MOB3B: variants seen among roughly 807,000 people sequenced by gnomAD.
MOB3B encodes the protein MOB kinase activator 3B.
In MOB3B, 7 loss-of-function variants were observed where a neutral mutation model predicts 18.7. The ratio of observed to expected loss-of-function variants is 0.37; its 90% CI spans 0.21 to 0.70. The LOEUF is 0.70. Among genes scored for constraint, MOB3B ranks in the 30% least tolerant of loss-of-function variants. The pLI is 0.52. For missense variants in MOB3B, 253 were observed against 281.3 expected (o/e 0.90, Z 0.72); for synonymous variants, 111 against 99.9 (o/e 1.11, Z -0.66).
intron 2 of MOB3B, among the ~76,000 whole-genome samples, chr9:27,365,871 G>A (rs1044119799): frequency 2.0e-5 from 3 of 152,200 alleles, no homozygotes; most frequent in African/African-American, 4.8e-5. Flanking sequence ...TGGAGTTAAT[G>A]AGCCTGAAAC....
chr9:27,391,502 G>T (rs1376211065), intron 2 of MOB3B, among the ~76,000 whole-genome samples: 1 of 152,204 alleles, frequency 6.6e-6, no homozygotes, highest in Non-Finnish European at 1.5e-5. Context: ...TGCTATTCAT[G>T]TGCAAAATGT....
At chr9:27,343,601 T>C (rs1274766167) in intron 3 of MOB3B, among the ~76,000 whole-genome samples, 2 of 152,040 alleles carry the variant, frequency 1.3e-5, no homozygotes, top group East Asian at 1.9e-4. Flanking sequence ...CAATATGAAT[T>C]TTACATACAG....
At chr9:27,352,590 G>C (rs1415465879) in intron 3 of MOB3B, among the ~76,000 whole-genome samples, 1 of 152,178 alleles carries the variant, frequency 6.6e-6, no homozygotes, top group Non-Finnish European at 1.5e-5. Flanking sequence ...CACTTCCTGT[G>C]TGTGTGTGAA....
intron 1 of MOB3B, among the ~76,000 whole-genome samples, chr9:27,501,201 C>T (rs1323143762): frequency 2.0e-5 from 3 of 152,154 alleles, no homozygotes; most frequent in Admixed American, 1.3e-4. Flanking sequence ...GGTGATTCCT[C>T]AAGGATCTAG....
intron 3 of MOB3B, among the ~76,000 whole-genome samples, chr9:27,343,376 C>T (rs932019686): frequency 2.0e-5 from 3 of 150,444 alleles, no homozygotes; most frequent in Non-Finnish European, 4.4e-5. Context: ...AAACCAGAGA[C>T]CCTTGTTCAC....
At chr9:27,466,684 GCA>G (rs1819388381) in intron 1 of MOB3B, among the ~76,000 whole-genome samples, 1 of 152,146 alleles carries the variant, frequency 6.6e-6, no homozygotes, top group Non-Finnish European at 1.5e-5. Flanking sequence ...TTCTTATACG[GCA>G]GCAGCAAGAG....
At chr9:27,513,425 C>A (rs1587270458) in intron 1 of MOB3B, among the ~76,000 whole-genome samples, 2 of 152,154 alleles carry the variant, frequency 1.3e-5, no homozygotes, top group African/African-American at 4.8e-5. Flanking sequence ...CACATCATAT[C>A]ATACCACTCT....
chr9:27,450,496 A>T (rs1173441601), intron 2 of MOB3B, among the ~76,000 whole-genome samples: 1 of 152,200 alleles, frequency 6.6e-6, no homozygotes, highest in Non-Finnish European at 1.5e-5. Context: ...TTCAGAGATG[A>T]TTAAGAAATA....
chr9:27,517,240 G>A (rs752386279), intron 1 of MOB3B, among the ~76,000 whole-genome samples: 9 of 152,062 alleles, frequency 5.9e-5, no homozygotes, highest in Admixed American at 1.3e-4. Flanking sequence ...TATTTGTCTT[G>A]TTTTCCCTTG....
intron 1 of MOB3B, among the ~76,000 whole-genome samples, chr9:27,521,986 T>C (rs1563889613): frequency 6.6e-6 from 1 of 152,040 alleles, no homozygotes; most frequent in Non-Finnish European, 1.5e-5. Context: ...CTCACGCCTG[T>C]AATCCCAGCA....
intron 3 of MOB3B, among the ~76,000 whole-genome samples, chr9:27,353,856 C>T (rs1166363656): frequency 1.3e-5 from 2 of 152,250 alleles, no homozygotes; most frequent in East Asian, 1.9e-4. Flanking sequence ...TCAGCTGACT[C>T]CCTGGCAGCC....
intron 3 of MOB3B, among the ~76,000 whole-genome samples, chr9:27,347,626 A>T (rs1348063168): frequency 1.3e-5 from 2 of 152,196 alleles, no homozygotes; most frequent in East Asian, 3.8e-4. Flanking sequence ...GGGAGAAGGT[A>T]TAGGGTGGAG....
At chr9:27,449,537 C>G (rs148528337) in intron 2 of MOB3B, among the ~76,000 whole-genome samples, 3 of 152,240 alleles carry the variant, frequency 2.0e-5, no homozygotes, top group African/African-American at 7.2e-5. Context: ...AGTGACAGAG[C>G]TAATTGATTA....
chr9:27,431,388 CAG>C (rs1822415723), intron 2 of MOB3B, among the ~76,000 whole-genome samples: 1 of 152,132 alleles, frequency 6.6e-6, no homozygotes, highest in Non-Finnish European at 1.5e-5. Context: ...AAAATGGAGA[CAG>C]GGAAGGAGAC....
At chr9:27,406,492 A>G (rs374120949) in intron 2 of MOB3B, among the ~76,000 whole-genome samples, 8 of 152,230 alleles carry the variant, frequency 5.3e-5, no homozygotes, top group African/African-American at 1.9e-4. Flanking sequence ...AAATTATGCT[A>G]CAAAGCTACA....
intron 1 of MOB3B, among the ~76,000 whole-genome samples, chr9:27,495,799 G>A (rs910131344): frequency 5.9e-5 from 9 of 152,166 alleles, no homozygotes; most frequent in Non-Finnish European, 1.0e-4. Context: ...CCAGGCAAGA[G>A]AACTATCAGG....
At chr9:27,379,192 C>A (rs552006976) in intron 2 of MOB3B, among the ~76,000 whole-genome samples, 1 of 152,278 alleles carries the variant, frequency 6.6e-6, no homozygotes, top group South Asian at 2.1e-4. Flanking sequence ...CCATCTCCTG[C>A]ATTGCTTCTC....
intron 1 of MOB3B, among the ~76,000 whole-genome samples, chr9:27,477,293 C>T (rs989989889): frequency 6.6e-6 from 1 of 152,192 alleles, no homozygotes; most frequent in Non-Finnish European, 1.5e-5. Flanking sequence ...ACTCACACCC[C>T]AGATACCAGC....
chr9:27,480,205 T>G (rs1412832398), intron 1 of MOB3B, among the ~76,000 whole-genome samples: 1 of 151,680 alleles, frequency 6.6e-6, no homozygotes, highest in Non-Finnish European at 1.5e-5. Flanking sequence ...CAGGCTGGAG[T>G]GTGGCGCAAT....
Sources: gnomAD v4.1 joint callset for allele counts (sites outside exome capture counted in the v4.1 genomes callset) on GRCh38, gnomAD v4.1.1 for gene constraint, MANE v1.5 for transcripts, NCBI Gene and HGNC (gene_info 2026-07-23, HGNC 2026-07-21) for gene names.